Variants in ARHGAP44 observed in about 807,000 individuals in gnomAD.
The protein encoded by ARHGAP44 is rho GTPase-activating protein 44.
A neutral mutation model predicts 106.8 loss-of-function variants in ARHGAP44; 43 were observed. The observed-to-expected ratio is 0.40, with a 90% CI of 0.32 to 0.52. The LOEUF (loss-of-function observed/expected upper bound fraction) is 0.52. Among genes scored for constraint, ARHGAP44 ranks in the 20% least tolerant of loss-of-function variants. ARHGAP44 has a pLI of 0.48. For synonymous variants in ARHGAP44, 439 were observed against 410.3 expected (o/e 1.07, Z -0.85); for missense variants, 866 against 1,050.5 (o/e 0.82, Z 2.43).
At chr17:12,800,326 C>A (rs1470382077) in intron 1 of ARHGAP44, among the ~76,000 whole-genome samples, 2 of 152,222 alleles carry the variant, frequency 1.3e-5, no homozygotes, top group East Asian at 3.8e-4. Flanking sequence ...TGGCTTCACT[C>A]ATTGAATCCC....
chr17:12,900,329 C>T (rs3785725), intron 3 of ARHGAP44, among the ~76,000 whole-genome samples: 79,882 of 151,596 alleles, frequency 0.53, 21,301 homozygotes, highest in Non-Finnish European at 0.57. Context: ...GGGGTTTCAC[C>T]ATGTTGGCCA....
chr17:12,912,384 A>G (rs189058483), intron 4 of ARHGAP44, among the ~76,000 whole-genome samples: 3 of 151,592 alleles, frequency 2.0e-5, no homozygotes, highest in Admixed American at 6.6e-5. Flanking sequence ...CACAGACAGT[A>G]GAAAAAATTA....
intron 1 of ARHGAP44, among the ~76,000 whole-genome samples, chr17:12,827,126 A>G (rs1306510182): frequency 6.6e-6 from 1 of 152,168 alleles, no homozygotes; most frequent in East Asian, 1.9e-4. Flanking sequence ...TGGTCTCTGT[A>G]ACCCTGTTCT....
At chr17:12,915,066 T>A (rs1432925043) in intron 4 of ARHGAP44, among the ~76,000 whole-genome samples, 1 of 152,172 alleles carries the variant, frequency 6.6e-6, no homozygotes. Flanking sequence ...TGAGACAGGG[T>A]CTCGCTCTGT....
rs79096792 is a variant in ARHGAP44 at position 12,939,478 on chromosome 17, T to A, written c.583-1578T>A. Among the ~76,000 whole-genome samples the A allele has an allele frequency of 2.5e-3, 385 of 152,196 alleles. 13 individuals carry two copies. The highest frequency in any genetic ancestry group is 0.022 in the Admixed American group (336 of 15,292). On this transcript the variant is annotated intron_variant, in intron 7 of 20. Coordinates refer to ENST00000379672, the MANE Select transcript of ARHGAP44 (RefSeq NM_014859.6). ...ACTTCTTTATTTTTTATTTTTTTTT[T>A]ATTTTGAGACAGAGTCTCTCTCTGT...
chr17:12,952,553 T>C lies in ARHGAP44; in HGVS notation c.1108T>C (p.Leu370=), dbSNP rs1169046453. The C allele has an allele frequency of 1.3e-6, 2 of 1,578,074 alleles. No homozygotes were observed. Among genetic ancestry groups the C allele is most frequent in the African/African-American group, 2.7e-5 (2 of 74,228 alleles). The change falls in exon 13 of 21, where the codon TTG becomes CTG. Residue 370 remains leucine, a synonymous_variant. Coordinates refer to ENST00000379672, the MANE Select transcript of ARHGAP44 (RefSeq NM_014859.6). Reference sequence around the variant, plus strand: ...GGCTCTATGGAATGCTTGTGAAAAGTTGCCCAAGGCCAATCACAACAACAT... The same window carrying C: ...GGCTCTATGGAATGCTTGTGAAAAGCTGCCCAAGGCCAATCACAACAACAT... ...LQALWNACEK[L]PKANHNNIRY...
chr17:12,844,927 A>G (rs1463920833), intron 1 of ARHGAP44, among the ~76,000 whole-genome samples: 2 of 152,170 alleles, frequency 1.3e-5, no homozygotes, highest in African/African-American at 2.4e-5. Flanking sequence ...GTACTTTTAT[A>G]GCATTTGCCA....
intron 3 of ARHGAP44, among the ~76,000 whole-genome samples, chr17:12,900,423 G>A (rs2037341910): frequency 2.0e-5 from 3 of 151,898 alleles, no homozygotes; most frequent in South Asian, 4.2e-4. Flanking sequence ...CACCACACCC[G>A]GCCTCCATGT....
intron 1 of ARHGAP44, among the ~76,000 whole-genome samples, chr17:12,803,404 G>T (rs2034180441): frequency 6.6e-6 from 1 of 152,060 alleles, no homozygotes; most frequent in African/African-American, 2.4e-5. Context: ...ACCATGCCTA[G>T]CCCCAGAGAA....
chr17:12,948,723 T>TACACACACACACACACACACACACAC (rs71369353), intron 10 of ARHGAP44, among the ~76,000 whole-genome samples: 28 of 29,364 alleles, frequency 9.5e-4, no homozygotes, highest in Non-Finnish European at 1.5e-3. Context: ...CCAACACACA[T>TACACACACACACACACACACACACAC]ACACACACAC....
intron 3 of ARHGAP44, among the ~76,000 whole-genome samples, chr17:12,900,183 G>A (rs536051942): frequency 2.6e-5 from 4 of 151,366 alleles, no homozygotes; most frequent in East Asian, 3.9e-4. Flanking sequence ...AGGCTGGAGC[G>A]CAGTGGCACC....
rs551848542 is a variant in ARHGAP44 at position 12,834,522 on chromosome 17, A to G, written c.53+44631A>G. 8.5e-5 allele frequency among the ~76,000 whole-genome samples: 13 copies of G among 152,326 alleles called. No homozygotes were observed. In the South Asian group the frequency reaches 2.7e-3, roughly 32 times the overall value. ...CTGTCTCAAAGAAGAAAAATCCTGC[A>G]CAAAAATAAATAAACAAAAATTGTG... On this transcript the variant is annotated intron_variant, in intron 1 of 20. Transcript: ENST00000379672.
intron 6 of ARHGAP44, among the ~76,000 whole-genome samples, chr17:12,928,394 A>G (rs2038306347): frequency 6.6e-6 from 1 of 152,174 alleles, no homozygotes; most frequent in African/African-American, 2.4e-5. Flanking sequence ...ATTTTGAAAT[A>G]TATAATATAC....
At chr17:12,980,297 C>G in intron 19 of ARHGAP44, 64 bp downstream of exon 19, 1 of 1,498,166 alleles carries the variant, frequency 6.7e-7, no homozygotes, top group Non-Finnish European at 9.0e-7. Context: ...TCCCTGAAGG[C>G]TCGTTTTCCT....
intron 1 of ARHGAP44, 23 bp from the exon 2 acceptor site, chr17:12,894,917 A>G (rs1214759002): frequency 1.5e-5 from 23 of 1,572,008 alleles, no homozygotes; most frequent in Non-Finnish European, 1.7e-5. Flanking sequence ...TGTTACTGAT[A>G]TGTTTCTCAA....
At chr17:12,796,136 ATATCTATC>A (rs67730348) in intron 1 of ARHGAP44, among the ~76,000 whole-genome samples, 66 of 150,244 alleles carry the variant, frequency 4.4e-4, no homozygotes, top group Admixed American at 7.3e-4. Context: ...TTTGAGAAGT[ATATCTATC>A]TATCTATCTA....
At chr17:12,946,308 A>T (rs1306319218) in intron 10 of ARHGAP44, among the ~76,000 whole-genome samples, 2 of 152,052 alleles carry the variant, frequency 1.3e-5, no homozygotes, top group Non-Finnish European at 2.9e-5. Context: ...CATTTCATTT[A>T]TAATACTTAA....
chr17:12,974,172 C>G lies in ARHGAP44; in HGVS notation c.1625C>G (p.Ser542Cys), dbSNP rs1052963223. 4.5e-6 allele frequency: 7 copies of G among 1,551,720 alleles called. No individual in the cohort carries two copies. The Admixed American group carries it at 1.4e-4, about 30-fold the overall frequency. ...AGRKVSCAPP[S>C]MQPPAPPAEL... ...CGGAAAGTGTCCTGCGCCCCGCCCTCCATGCAGCCTCCCGCCCCGCCCGCC... is the reference window on the plus strand; with the variant it reads ...CGGAAAGTGTCCTGCGCCCCGCCCTGCATGCAGCCTCCCGCCCCGCCCGCC... The change falls in exon 18 of 21, where the codon TCC becomes TGC. Residue 542 changes from serine to cysteine, a missense_variant. Coordinates refer to ENST00000379672, the MANE Select transcript of ARHGAP44 (RefSeq NM_014859.6).
intron 6 of ARHGAP44, 37 bp from the exon 7 acceptor site, chr17:12,928,892 C>T (rs1178447162): frequency 4.5e-6 from 7 of 1,561,064 alleles, no homozygotes; most frequent in Non-Finnish European, 6.1e-6. Context: ...CAGGGCTCTA[C>T]CTGTCTCACA....
Sources: gnomAD v4.1 joint callset for allele counts (sites outside exome capture counted in the v4.1 genomes callset) on GRCh38, gnomAD v4.1.1 for gene constraint, MANE v1.5 for transcripts, NCBI Gene and HGNC (gene_info 2026-07-23, HGNC 2026-07-21) for gene names.